SULT4A1: variants seen among roughly 807,000 people sequenced by gnomAD.
SULT4A1 encodes sulfotransferase family 4A member 1, also known as sulfotransferase 4A1.
Under a neutral mutation model 35.2 loss-of-function variants are expected in SULT4A1, and 11 were observed. The ratio of observed to expected loss-of-function variants is 0.31; its 90% confidence interval spans 0.20 to 0.52. The LOEUF (loss-of-function observed/expected upper bound fraction) is 0.52, where lower values mean the gene tolerates loss of function less well. Among genes scored for constraint, SULT4A1 ranks in the 20% least tolerant of loss-of-function variants. The pLI is 0.97. For synonymous variants in SULT4A1, 152 were observed against 151.8 expected, an observed-to-expected ratio of 1.00 and a Z score of -0.01; for missense variants, 271 against 383.7, an observed-to-expected ratio of 0.71 and a Z score of 2.45.
At chr22:43,837,852 C>T (rs1174460569) in intron 4 of SULT4A1, among the ~76,000 whole-genome samples, 1 of 152,218 alleles carries the variant, frequency 6.6e-6, no homozygotes, top group Admixed American at 6.5e-5. Context: ...TCATCCTCAT[C>T]CTGTCACATA....
At chr22:43,838,820 C>A (rs1180485830) in intron 4 of SULT4A1, 47 bp downstream of exon 4, 6 of 1,610,560 alleles carry the variant, frequency 3.7e-6, no homozygotes, top group Non-Finnish European at 4.2e-6. Flanking sequence ...CCGTCCACGA[C>A]AACAGACGGC....
At chr22:43,834,342 G>T (rs34597041) in intron 4 of SULT4A1, among the ~76,000 whole-genome samples, 30 of 100,264 alleles carry the variant, frequency 3.0e-4, no homozygotes, top group East Asian at 7.9e-4. Flanking sequence ...CCCCACCGCG[G>T]CCCTGAGCTT....
intron 5 of SULT4A1, among the ~76,000 whole-genome samples, chr22:43,831,044 C>T (rs908702654): frequency 1.3e-5 from 2 of 152,148 alleles, no homozygotes; most frequent in Non-Finnish European, 2.9e-5. Flanking sequence ...AGTCACAGAC[C>T]GGCTTTGATA....
At chr22:43,836,813 T>G in intron 4 of SULT4A1, among the ~76,000 whole-genome samples, 1 of 150,768 alleles carries the variant, frequency 6.6e-6, no homozygotes, top group Non-Finnish European at 1.5e-5. Context: ...CTACACAGCG[T>G]CCTCACACTG....
intron 1 of SULT4A1, among the ~76,000 whole-genome samples, chr22:43,846,382 C>T (rs2063477255): frequency 6.6e-6 from 1 of 152,246 alleles, no homozygotes; most frequent in Admixed American, 6.5e-5. Flanking sequence ...CCTCTTTCCA[C>T]CTTAAGGACA....
At chr22:43,826,274 G>C (rs1603403383) in intron 6 of SULT4A1, 161 bp from the exon 7 acceptor site, 2 of 985,396 alleles carry the variant, frequency 2.0e-6, no homozygotes, top group South Asian at 4.7e-5. Flanking sequence ...CTACAGACCA[G>C]GTGGTCCCCT....
At chr22:43,840,396 G>A (rs2063416994) in intron 2 of SULT4A1, among the ~76,000 whole-genome samples, 1 of 152,084 alleles carries the variant, frequency 6.6e-6, no homozygotes, top group African/African-American at 2.4e-5. Context: ...CTCGGACCCA[G>A]CCAGGACAGC....
At position 43,839,830 on chromosome 22, in the gene SULT4A1, G is replaced by A. The variant is rs574703558; in HGVS notation, c.381+115C>T. ...GGATCTTCACGTGTGGGCTCCTTGGGAAGACAGCCCCCAAGGCCAGGTAAG... is the reference window on the plus strand; with the variant it reads ...GGATCTTCACGTGTGGGCTCCTTGGAAAGACAGCCCCCAAGGCCAGGTAAG... On this transcript the variant is annotated intron_variant, in intron 3 of 6. Transcript: ENST00000330884. 2.5e-5 allele frequency: 25 copies of A among 983,112 alleles called. No homozygotes were observed. The African/African-American group carries it at 3.9e-4, about 15-fold the overall frequency. The allele number at this position is 983,112 out of a possible 1,614,324, so 60.9% of individuals were successfully genotyped here. A position where few individuals can be genotyped will look rare whatever the true frequency, so the allele number is the denominator to read the frequency against.
intron 4 of SULT4A1, among the ~76,000 whole-genome samples, chr22:43,838,009 C>T (rs2063391193): frequency 6.6e-6 from 1 of 151,640 alleles, no homozygotes; most frequent in Admixed American, 6.6e-5. Flanking sequence ...TATTATGACA[C>T]ATTTCAAAGC....
intron 6 of SULT4A1, 83 bp downstream of exon 6, chr22:43,828,977 G>A (rs556296255): frequency 2.4e-5 from 33 of 1,403,050 alleles, no homozygotes; most frequent in South Asian, 7.3e-5. Context: ...AACAGGGACC[G>A]GACTCGGCTC....
intron 6 of SULT4A1, chr22:43,827,755 CCACACA>C (rs3223292): frequency 1.2e-3 from 399 of 327,632 alleles, no homozygotes; most frequent in African/African-American, 8.2e-3. Context: ...CGCTGCTTCA[CCACACA>C]CACACACACA....
intron 4 of SULT4A1, 24 bp from the exon 5 acceptor site, chr22:43,833,758 AG>A: frequency 6.4e-7 from 1 of 1,552,502 alleles, no homozygotes; most frequent in Non-Finnish European, 8.7e-7. Context: ...GGACAGGGTG[AG>A]CCACACGGCT....
chr22:43,862,086 A>C, intron 1 of SULT4A1, 128 bp downstream of exon 1: 10 of 271,294 alleles, frequency 3.7e-5, no homozygotes, highest in East Asian at 4.4e-4. Flanking sequence ...AGCGGTGGGC[A>C]CGGCAGGGGC....
chr22:43,831,956 C>T (rs979929718), intron 5 of SULT4A1, among the ~76,000 whole-genome samples: 3 of 152,214 alleles, frequency 2.0e-5, no homozygotes, highest in Admixed American at 6.5e-5. Context: ...CAGGCCTGCA[C>T]GTAGGTGATG....
intron 5 of SULT4A1, among the ~76,000 whole-genome samples, chr22:43,829,639 G>T (rs894230305): frequency 5.3e-4 from 80 of 152,230 alleles, no homozygotes; most frequent in Non-Finnish European, 8.8e-5. Context: ...CCTGCACTGG[G>T]CAGGGAGCCC....
intron 5 of SULT4A1, among the ~76,000 whole-genome samples, chr22:43,832,139 C>T (rs759147040): frequency 6.6e-6 from 1 of 152,178 alleles, no homozygotes; most frequent in Admixed American, 6.5e-5. Flanking sequence ...GCGGCAGGAC[C>T]AGGGTTCCAA....
At position 43,827,464 on chromosome 22, in the gene SULT4A1, T is replaced by C; in HGVS notation, c.743-1351A>G. The C allele has an allele frequency of 2.4e-6, 3 of 1,241,416 alleles. No homozygotes were observed. The South Asian group carries it at 4.2e-5, about 17-fold the overall frequency. 76.9% of individuals were successfully genotyped at this position (1,241,416 alleles called of 1,614,324 possible). A position where few individuals can be genotyped will look rare whatever the true frequency, so the allele number is the denominator to read the frequency against. ...GAGCAACCAAACTATTTTTCCATGATTATTTTTCTCAGCTGAGACAGCTGA... is the reference window on the plus strand; with the variant it reads ...GAGCAACCAAACTATTTTTCCATGACTATTTTTCTCAGCTGAGACAGCTGA... On this transcript the variant is annotated intron_variant, in intron 6 of 6. Coordinates refer to ENST00000330884, the MANE Select transcript of SULT4A1 (RefSeq NM_014351.4).
chr22:43,832,500 GC>G (rs1569502903), intron 5 of SULT4A1, among the ~76,000 whole-genome samples: 1 of 152,106 alleles, frequency 6.6e-6, no homozygotes, highest in Non-Finnish European at 1.5e-5. Context: ...CTGACCACAG[GC>G]CCCAGTGTGT....
At chr22:43,831,546 AG>A (rs1158889545) in intron 5 of SULT4A1, among the ~76,000 whole-genome samples, 1 of 152,128 alleles carries the variant, frequency 6.6e-6, no homozygotes, top group Non-Finnish European at 1.5e-5. Flanking sequence ...ACCACCCCAA[AG>A]TGAAAATGGC....
Sources: gnomAD v4.1 joint callset for allele counts (sites outside exome capture counted in the v4.1 genomes callset) on GRCh38, gnomAD v4.1.1 for gene constraint, MANE v1.5 for transcripts, NCBI Gene and HGNC (gene_info 2026-07-23, HGNC 2026-07-21) for gene names.